The following KGD4 variants were observed in gnomAD, a reference collection of about 807,000 sequenced individuals.
The protein encoded by KGD4 is alpha-ketoglutarate dehydrogenase subunit 4.
At chr5:69,220,689 G>T in the KGD4 span, among the ~76,000 whole-genome samples, 9 of 152,168 alleles carry the variant, frequency 5.9e-5, no homozygotes, top group African/African-American at 2.2e-4. Context: ...GCTCTGAAGA[G>T]ACAGCAACCA....
chr5:69,228,488 C>A, the KGD4 span: 1 of 1,207,492 alleles, frequency 8.3e-7, no homozygotes. Context: ...ATTGTCTTGT[C>A]AGAGTGTGGT....
chr5:69,224,013 A>C, the KGD4 span, among the ~76,000 whole-genome samples: 2 of 148,152 alleles, frequency 1.3e-5, no homozygotes, highest in Non-Finnish European at 3.0e-5. Flanking sequence ...AGTCTGAGTG[A>C]CACAGCAAGA....
chr5:69,217,828 T>A, the KGD4 span: 2 of 1,613,176 alleles, frequency 1.2e-6, no homozygotes, highest in Non-Finnish European at 1.7e-6. Context: ...TTCTCGGGGG[T>A]CATGATGGGC....
chr5:69,219,842 G>A, the KGD4 span, among the ~76,000 whole-genome samples: 3 of 152,070 alleles, frequency 2.0e-5, no homozygotes, highest in Admixed American at 6.6e-5. Context: ...AAATAATAAA[G>A]TATGTGCTAA....
chr5:69,219,859 G>A, the KGD4 span, among the ~76,000 whole-genome samples: 1 of 152,114 alleles, frequency 6.6e-6, no homozygotes, highest in African/African-American at 2.4e-5. Flanking sequence ...CTAATATTAT[G>A]TAATAATTAC....
the KGD4 span, among the ~76,000 whole-genome samples, chr5:69,225,885 T>G: frequency 1.3e-5 from 2 of 152,232 alleles, no homozygotes; most frequent in Middle Eastern, 3.4e-3. Context: ...GGCCTTGTTT[T>G]TCTTTTTGTT....
chr5:69,221,036 T>TA, the KGD4 span, among the ~76,000 whole-genome samples: 1 of 152,170 alleles, frequency 6.6e-6, no homozygotes, highest in Non-Finnish European at 1.5e-5. Flanking sequence ...CCCAGGGACG[T>TA]AAACACTGCG....
the KGD4 span, among the ~76,000 whole-genome samples, chr5:69,221,698 G>C: frequency 6.6e-6 from 1 of 151,898 alleles, no homozygotes. Flanking sequence ...AATAACCTTA[G>C]GTTTAGGAAT....
chr5:69,219,272 A>C, the KGD4 span, among the ~76,000 whole-genome samples: 1 of 152,158 alleles, frequency 6.6e-6, no homozygotes, highest in Non-Finnish European at 1.5e-5. Context: ...CAGCAATTCT[A>C]CTCATAGGTT....
chr5:69,222,833 C>T, the KGD4 span, among the ~76,000 whole-genome samples: 1 of 150,430 alleles, frequency 6.6e-6, no homozygotes, highest in Non-Finnish European at 1.5e-5. Context: ...GTCACTCAGG[C>T]TGGAGTGCAG....
chr5:69,220,610 C>T, the KGD4 span, among the ~76,000 whole-genome samples: 3 of 151,956 alleles, frequency 2.0e-5, no homozygotes, highest in Admixed American at 6.6e-5. Flanking sequence ...AAGTGAGGAG[C>T]GCCTCTGCCT....
chr5:69,219,194 T>C, the KGD4 span, among the ~76,000 whole-genome samples: 13 of 152,330 alleles, frequency 8.5e-5, no homozygotes, highest in African/African-American at 2.9e-4. Flanking sequence ...GGTGGGAATA[T>C]AAAATGTTAT....
the KGD4 span, chr5:69,228,112 G>A: frequency 1.0e-6 from 1 of 1,001,116 alleles, no homozygotes; most frequent in East Asian, 2.9e-5. Flanking sequence ...TTTCAAGAAT[G>A]ACTTGATTAT....
the KGD4 span, among the ~76,000 whole-genome samples, chr5:69,227,969 T>C: frequency 3.3e-5 from 5 of 152,306 alleles, no homozygotes; most frequent in African/African-American, 1.2e-4. Context: ...AATAAATGTA[T>C]AAAAATTTTA....
chr5:69,227,230 A>G, the KGD4 span, among the ~76,000 whole-genome samples: 1 of 152,108 alleles, frequency 6.6e-6, no homozygotes, highest in Admixed American at 6.6e-5. Flanking sequence ...ATTTCTAGTG[A>G]GTTTATATGG....
At chr5:69,217,908 T>C in the KGD4 span, 1 of 1,613,330 alleles carries the variant, frequency 6.2e-7, no homozygotes, top group South Asian at 1.1e-5. Flanking sequence ...TCTTGGGCGG[T>C]AGGGACGGTG....
chr5:69,220,807 T>TA, the KGD4 span, among the ~76,000 whole-genome samples: 6 of 152,082 alleles, frequency 3.9e-5, no homozygotes, highest in African/African-American at 9.7e-5. Flanking sequence ...TAGAAAGAAG[T>TA]AGACACAGGA....
the KGD4 span, among the ~76,000 whole-genome samples, chr5:69,220,624 C>T: frequency 2.0e-5 from 3 of 152,202 alleles, no homozygotes; most frequent in South Asian, 4.2e-4. Context: ...TCTGCCTGGC[C>T]GCAGTGCAAT....
At chr5:69,223,074 CTTTTT>C in the KGD4 span, among the ~76,000 whole-genome samples, 2 of 59,128 alleles carry the variant, frequency 3.4e-5, no homozygotes, top group Non-Finnish European at 5.6e-5. Context: ...CGGTGCGCAG[CTTTTT>C]TTTTTTTTTT....
Sources: allele counts gnomAD v4.1 joint callset (sites outside exome capture counted in the v4.1 genomes callset), GRCh38; gene constraint gnomAD v4.1.1; transcripts MANE v1.5; gene names NCBI Gene and HGNC (gene_info 2026-07-23, HGNC 2026-07-21).